SLC16A10: variants seen among roughly 807,000 people sequenced by gnomAD.
SLC16A10 encodes the protein monocarboxylate transporter 10.
A neutral mutation model predicts 40.0 loss-of-function variants in SLC16A10; 27 were observed. The observed-to-expected ratio is 0.67, with a 90% CI of 0.50 to 0.93. The LOEUF (loss-of-function observed/expected upper bound fraction) is 0.93, where lower values mean the gene tolerates loss of function less well. Ranked by LOEUF, SLC16A10 falls within the 40% of genes least tolerant of loss-of-function variation. The pLI is 0.00. For synonymous variants in SLC16A10, 213 were observed against 249.8 expected (o/e 0.85, Z 1.39); for missense variants, 529 against 658.2 (o/e 0.80, Z 2.15).
rs762328813 is a variant in SLC16A10 at position 111,150,681 on chromosome 6, AG to A, written c.344-22013del. On this transcript the variant is annotated intron_variant, in intron 1 of 5. Coordinates refer to ENST00000368851, the MANE Select transcript of SLC16A10 (RefSeq NM_018593.5). ...AGAAAAGCCCAGAGGGAGCTGATTG[AG>A]CATGCTCAGTTCTTTCTACCAAAGG... is the stretch of plus-strand genomic sequence containing the variant. Among the ~76,000 whole-genome samples, 19 of 152,258 alleles carry A rather than the reference AG, an allele frequency of 1.2e-4. No individual in the cohort carries two copies. In the East Asian group the frequency reaches 3.3e-3, roughly 26 times the overall value.
chr6:111,129,849 A>G (rs1259780521), intron 1 of SLC16A10, among the ~76,000 whole-genome samples: 1 of 152,218 alleles, frequency 6.6e-6, no homozygotes, highest in Non-Finnish European at 1.5e-5. Context: ...GATAGAGACA[A>G]TTGTTTCTCT....
At chr6:111,149,618 C>T (rs2114513679) in intron 1 of SLC16A10, among the ~76,000 whole-genome samples, 1 of 152,254 alleles carries the variant, frequency 6.6e-6, no homozygotes, top group South Asian at 2.1e-4. Flanking sequence ...AGTAGCATTC[C>T]TCTGCCCTAT....
At chr6:111,187,622 C>A (rs984739575) in intron 3 of SLC16A10, among the ~76,000 whole-genome samples, 11 of 152,108 alleles carry the variant, frequency 7.2e-5, no homozygotes, top group African/African-American at 2.7e-4. Flanking sequence ...TTATTACAGC[C>A]CAGCCTGTAA....
intron 1 of SLC16A10, among the ~76,000 whole-genome samples, chr6:111,170,245 T>C (rs1321176052): frequency 6.6e-6 from 1 of 152,096 alleles, no homozygotes; most frequent in Non-Finnish European, 1.5e-5. Context: ...ATATCTTCAC[T>C]CATATAAGCA....
intron 1 of SLC16A10, among the ~76,000 whole-genome samples, chr6:111,088,902 A>G (rs906818912): frequency 3.9e-5 from 6 of 152,098 alleles, no homozygotes; most frequent in African/African-American, 1.2e-4. Flanking sequence ...TGACACTTTA[A>G]CATAAATTCT....
chr6:111,100,488 A>T (rs1771155128), intron 1 of SLC16A10, among the ~76,000 whole-genome samples: 1 of 152,022 alleles, frequency 6.6e-6, no homozygotes, highest in Non-Finnish European at 1.5e-5. Flanking sequence ...TCCCGTGTAC[A>T]AGCGATTCTC....
At chr6:111,097,866 A>G (rs1771101888) in intron 1 of SLC16A10, among the ~76,000 whole-genome samples, 1 of 152,262 alleles carries the variant, frequency 6.6e-6, no homozygotes, top group South Asian at 2.1e-4. Context: ...GTCTAAATGA[A>G]AGGTCAATGA....
At chr6:111,163,744 A>T (rs1772419409) in intron 1 of SLC16A10, among the ~76,000 whole-genome samples, 1 of 152,202 alleles carries the variant, frequency 6.6e-6, no homozygotes, top group Non-Finnish European at 1.5e-5. Flanking sequence ...GAGGTTTAAA[A>T]CACTTTATAT....
rs113965591 is a variant in SLC16A10, at chr6:111,206,684, C to G, written c.1035C>G (p.Leu345=). ...IGVTSGVGRL[L]FGRIADYVPG... ...TCACTTCAGGAGTTGGACGACTGCT[C>G]TTTGGCCGGATTGCAGATTATGTGC... Residue 345 remains leucine, a synonymous_variant, in exon 4 of 6, where the codon CTC becomes CTG. Coordinates refer to ENST00000368851, the MANE Select transcript of SLC16A10 (RefSeq NM_018593.5). The G allele has an allele frequency of 6.2e-7, 1 of 1,614,186 alleles. No individual in the cohort carries two copies. The highest frequency in any genetic ancestry group is 1.3e-5 in the African/African-American group (1 of 75,044).
Position 111,172,932 on chromosome 6 carries a change from C to T in SLC16A10, c.488+93C>T, listed in dbSNP as rs1469483378. 4.8e-6 allele frequency: 7 copies of T among 1,456,856 alleles called. No homozygotes were observed. In the East Asian group the frequency reaches 1.6e-4, roughly 33 times the overall value. 90.2% of individuals were successfully genotyped at this position (1,456,856 alleles called of 1,614,324 possible). A position where few individuals can be genotyped will look rare whatever the true frequency, so the allele number is the denominator to read the frequency against. ...AACTATGCTATTTACAAGCAAAGAT[C>T]CTCCTTTTCATTTTTTAAAACTTTA... On this transcript the variant is annotated intron_variant, in intron 2 of 5. Coordinates refer to ENST00000368851, the MANE Select transcript of SLC16A10 (RefSeq NM_018593.5).
intron 1 of SLC16A10, among the ~76,000 whole-genome samples, chr6:111,167,410 G>C (rs530438069): frequency 6.6e-6 from 1 of 152,284 alleles, no homozygotes; most frequent in East Asian, 1.9e-4. Context: ...GCAGAAGTAA[G>C]TTGTAAAAGT....
intron 4 of SLC16A10, among the ~76,000 whole-genome samples, chr6:111,213,858 G>A (rs1430910353): frequency 1.3e-5 from 2 of 152,190 alleles, no homozygotes; most frequent in African/African-American, 4.8e-5. Flanking sequence ...GAACTCTGTT[G>A]CCAACTGTTT....
intron 1 of SLC16A10, among the ~76,000 whole-genome samples, chr6:111,130,444 C>A (rs974478606): frequency 6.6e-6 from 1 of 152,212 alleles, no homozygotes; most frequent in Non-Finnish European, 1.5e-5. Context: ...AAGCATCTTT[C>A]CCCAAGCTGT....
At chr6:111,152,243 T>C (rs1772184655) in intron 1 of SLC16A10, among the ~76,000 whole-genome samples, 1 of 152,222 alleles carries the variant, frequency 6.6e-6, no homozygotes, top group Non-Finnish European at 1.5e-5. Context: ...TTTTGAGTCC[T>C]AATTTTGTCA....
intron 2 of SLC16A10, among the ~76,000 whole-genome samples, chr6:111,174,271 T>C (rs1772638537): frequency 1.3e-5 from 2 of 152,172 alleles, no homozygotes; most frequent in African/African-American, 4.8e-5. Context: ...AAAGCGTTAA[T>C]GTGGTCATTA....
intron 1 of SLC16A10, among the ~76,000 whole-genome samples, chr6:111,146,503 A>C (rs1006594519): frequency 6.6e-6 from 1 of 152,120 alleles, no homozygotes; most frequent in Non-Finnish European, 1.5e-5. Context: ...CACTTTGGCC[A>C]AGGTGGGTGG....
rs1182584430 is a variant in SLC16A10, at chr6:111,100,978, CTCTCTCTCTCTCTCTATA to C, written c.343+12885_343+12902del. ...TCTCTCCCTCTCTCTCTCTCTCTCT[CTCTCTCTCTCTCTCTATA>C]TATATATATATATATATATATAAAT... On this transcript the variant is annotated intron_variant, in intron 1 of 5. Transcript: ENST00000368851. Among the ~76,000 whole-genome samples the C allele has an allele frequency of 4.2e-3, 514 of 123,372 alleles. 1 individual carries two copies. The highest frequency in any genetic ancestry group is 0.016 in the African/African-American group (468 of 29,816). 80.9% of individuals were successfully genotyped at this position (123,372 alleles called of 152,430 possible).
intron 2 of SLC16A10, among the ~76,000 whole-genome samples, chr6:111,175,891 A>G (rs1772676762): frequency 6.6e-6 from 1 of 151,308 alleles, no homozygotes; most frequent in Admixed American, 6.6e-5. Context: ...TTTTTTTTAA[A>G]TAGAGATGGG....
chr6:111,216,552 A>G (rs149051483), intron 4 of SLC16A10, among the ~76,000 whole-genome samples: 7,450 of 145,030 alleles, frequency 0.051, 447 homozygotes, highest in African/African-American at 0.15. Flanking sequence ...ACAGGCGCCC[A>G]CCACCACGCC....
Sources: gnomAD v4.1 joint callset for allele counts (sites outside exome capture counted in the v4.1 genomes callset) on GRCh38, gnomAD v4.1.1 for gene constraint, MANE v1.5 for transcripts, NCBI Gene and HGNC (gene_info 2026-07-23, HGNC 2026-07-21) for gene names.